The following BMP2K variants were observed in gnomAD, a reference collection of about 807,000 sequenced individuals.
BMP2K encodes the protein BMP2 inducible kinase, also known as BMP-2-inducible protein kinase.
A neutral mutation model predicts 116.0 loss-of-function variants in BMP2K; 74 were observed. The ratio of observed to expected loss-of-function variants is 0.64; its 90% CI spans 0.53 to 0.77. The LOEUF is 0.77. Ranked by LOEUF, BMP2K falls within the 30% of genes least tolerant of loss-of-function variation. The pLI is 0.00. For missense variants in BMP2K, 1,365 were observed against 1,403.6 expected (o/e 0.97, Z 0.44); for synonymous variants, 486 against 502.5 (o/e 0.97, Z 0.44).
At position 78,836,870 on chromosome 4, in the gene BMP2K, A is replaced by G. The variant is rs141555677; in HGVS notation, c.403+3183A>G. Among the ~76,000 whole-genome samples, 944 of 152,218 alleles carry G rather than the reference A, an allele frequency of 6.2e-3. 12 individuals carry two copies. The highest frequency in any genetic ancestry group is 0.022 in the African/African-American group (896 of 41,546). On this transcript the variant is annotated intron_variant, in intron 3 of 15. Transcript: ENST00000502613. ...GTTATTGTGATTGCTTAATTTTTCTATGTGACATCTTTTCTCCATGGACAC... is the reference window on the plus strand; with the variant it reads ...GTTATTGTGATTGCTTAATTTTTCTGTGTGACATCTTTTCTCCATGGACAC...
intron 1 of BMP2K, among the ~76,000 whole-genome samples, chr4:78,783,644 A>G (rs1467068930): frequency 6.6e-6 from 1 of 152,070 alleles, no homozygotes; most frequent in Non-Finnish European, 1.5e-5. Context: ...CATCTCTACT[A>G]AAAACACAAA....
At position 78,911,018 on chromosome 4, in the gene BMP2K, C is replaced by G; in HGVS notation, c.2471C>G (p.Ser824Cys). 2.5e-6 allele frequency: 4 copies of G among 1,613,738 alleles called. No homozygotes were observed. The highest frequency in any genetic ancestry group is 1.1e-5 in the South Asian group (1 of 91,068). ...ATGAGCTCTGTCTACAGAGACAGAT[C>G]TGGCAGTGGACCAACCCAAGATCTT... is the stretch of plus-strand genomic sequence containing the variant. ...SDMSSVYRDR[S>C]GSGPTQDLNT... Residue 824 changes from serine (S) to cysteine (C), a missense_variant, in exon 16 of 16, where the codon TCT becomes TGT. By Grantham distance (112) the Ser-to-Cys change is moderately radical (BLOSUM62 -1). Coordinates refer to ENST00000502613, the MANE Select transcript of BMP2K (RefSeq NM_198892.2).
intron 1 of BMP2K, among the ~76,000 whole-genome samples, chr4:78,824,675 C>T (rs1357708064): frequency 2.6e-5 from 4 of 152,128 alleles, no homozygotes; most frequent in Admixed American, 2.0e-4. Flanking sequence ...TTTTACAACT[C>T]TGTATTGATC....
chr4:78,837,635 A>G (rs114310337), intron 3 of BMP2K, among the ~76,000 whole-genome samples: 2 of 152,116 alleles, frequency 1.3e-5, no homozygotes, highest in Non-Finnish European at 2.9e-5. Context: ...CAGTGTATCC[A>G]TTTTTCTTTC....
At position 78,912,759 on chromosome 4, in the gene BMP2K, TAAAAC is replaced by T. The variant is rs968048779; in HGVS notation, c.*730_*734del. On this transcript the variant is annotated 3_prime_UTR_variant, in exon 16 of 16. Coordinates refer to ENST00000502613, the MANE Select transcript of BMP2K (RefSeq NM_198892.2). The stretch of plus-strand genomic sequence containing the variant: ...ATAAATATATATAATTTTTGTCAGT[TAAAAC>T]AAATTAAAAAAATGGACTATCGTCG... 46 of 151,802 alleles carry T rather than the reference TAAAAC, an allele frequency of 3.0e-4. No individual in the cohort carries two copies. The highest frequency in any genetic ancestry group is 9.9e-4 in the African/African-American group (41 of 41,366). 9.4% of individuals were successfully genotyped at this position (151,802 alleles called of 1,614,324 possible).
At chr4:78,893,030 G>A (rs1733524951) in intron 15 of BMP2K, among the ~76,000 whole-genome samples, 2 of 152,192 alleles carry the variant, frequency 1.3e-5, no homozygotes, top group South Asian at 4.1e-4. Flanking sequence ...AGACTTCTCT[G>A]TACATGCAAT....
chr4:78,824,979 A>G (rs1577901596), intron 1 of BMP2K, among the ~76,000 whole-genome samples: 1 of 152,148 alleles, frequency 6.6e-6, no homozygotes, highest in African/African-American at 2.4e-5. Context: ...AGGCGGGCGG[A>G]TCATGAAATC....
At position 78,911,694 on chromosome 4, in the gene BMP2K, G is replaced by A. The variant is rs1488286276; in HGVS notation, c.3147G>A (p.Leu1049=). 1.2e-6 allele frequency: 2 copies of A among 1,613,878 alleles called. No individual in the cohort carries two copies. Among genetic ancestry groups the A allele is most frequent in the South Asian group, 1.1e-5 (1 of 91,058 alleles). ...CCAAGGAGAACATTAGTGTTGCACT[G>A]ACTGATGGGAAAGATAGGGGGAATG... is the stretch of plus-strand genomic sequence containing the variant. The part of the protein sequence containing the change: ...SDSKENISVA[L]TDGKDRGNVL... The change falls in exon 16 of 16, where the codon CTG becomes CTA. Residue 1049 remains leucine, a synonymous_variant. Coordinates refer to ENST00000502613, the MANE Select transcript of BMP2K (RefSeq NM_198892.2).
intron 6 of BMP2K, among the ~76,000 whole-genome samples, chr4:78,849,647 G>C (rs1731159455): frequency 1.3e-5 from 2 of 151,462 alleles, no homozygotes; most frequent in East Asian, 1.9e-4. Context: ...TGATGTATAT[G>C]AGCTGAAAAT....
At chr4:78,850,494 T>A (rs1731195166) in intron 6 of BMP2K, among the ~76,000 whole-genome samples, 1 of 151,932 alleles carries the variant, frequency 6.6e-6, no homozygotes, top group Admixed American at 6.6e-5. Context: ...TCTGATAAGT[T>A]TAACTGTGCT....
chr4:78,882,356 A>T (rs1560544132), intron 14 of BMP2K, among the ~76,000 whole-genome samples: 1 of 151,432 alleles, frequency 6.6e-6, no homozygotes, highest in Non-Finnish European at 1.5e-5. Context: ...ATGGTTCAGA[A>T]TTGTTTTACC....
chr4:78,862,737 G>A (rs979641805), intron 9 of BMP2K, among the ~76,000 whole-genome samples: 2 of 152,046 alleles, frequency 1.3e-5, no homozygotes. Flanking sequence ...ATTTGCGAAT[G>A]ACTTATTTTA....
chr4:78,913,993 ATACT>A lies in BMP2K; in HGVS notation c.*1962_*1965del, dbSNP rs1001439387. The A allele has an allele frequency of 1.3e-5, 2 of 152,006 alleles. No individual in the cohort carries two copies. Among genetic ancestry groups the A allele is most frequent in the African/African-American group, 2.4e-5 (1 of 41,392 alleles). The allele number at this position is 152,006 out of a possible 1,614,324, so 9.4% of individuals were successfully genotyped here. A position where few individuals can be genotyped will look rare whatever the true frequency, so the allele number is the denominator to read the frequency against. ...AAACTTTACAAAATAGATTCAAGTG[ATACT>A]TTCTTTTAAAAGTGAAGAGTTGATG... On this transcript the variant is annotated 3_prime_UTR_variant, in exon 16 of 16. Transcript: ENST00000502613.
chr4:78,792,479 A>G (rs1335854262), intron 1 of BMP2K, among the ~76,000 whole-genome samples: 1 of 152,224 alleles, frequency 6.6e-6, no homozygotes, highest in African/African-American at 2.4e-5. Flanking sequence ...TTTGGCAGAC[A>G]TTTTCTTAAA....
At chr4:78,783,221 A>G (rs373577340) in intron 1 of BMP2K, among the ~76,000 whole-genome samples, 23 of 152,352 alleles carry the variant, frequency 1.5e-4, no homozygotes, top group African/African-American at 5.1e-4. Context: ...TCAATCAGCT[A>G]TATAAAATTT....
intron 2 of BMP2K, among the ~76,000 whole-genome samples, chr4:78,826,778 T>C (rs1261601458): frequency 6.6e-6 from 1 of 152,234 alleles, no homozygotes; most frequent in African/African-American, 2.4e-5. Flanking sequence ...TTCTTTCTTT[T>C]TTTTTTCTTA....
chr4:78,911,367 C>A lies in BMP2K; in HGVS notation c.2820C>A (p.Phe940Leu). ...TTGGCTCCACTCCATTTCAGCCCTT[C>A]CTCACATCAACAAGTAAAAGTGAAA... ...DVFGSTPFQP[F>L]LTSTSKSESN... is the part of the protein sequence containing the mutation. Residue 940 changes from phenylalanine to leucine, a missense_variant, in exon 16 of 16, where the codon TTC (phenylalanine) becomes TTA (leucine). By Grantham distance (22) the Phe-to-Leu change is conservative. This residue lies in a region of BMP2K where 596 missense variants were observed against 623.2 expected (regional missense o/e 0.96). Coordinates refer to ENST00000502613, the MANE Select transcript of BMP2K (RefSeq NM_198892.2). The A allele has an allele frequency of 2.5e-6, 4 of 1,614,000 alleles. No individual in the cohort carries two copies. The highest frequency in any genetic ancestry group is 3.4e-6 in the Non-Finnish European group (4 of 1,179,878).
At chr4:78,877,727 A>G (rs1218670530) in intron 13 of BMP2K, among the ~76,000 whole-genome samples, 1 of 152,244 alleles carries the variant, frequency 6.6e-6, no homozygotes, top group African/African-American at 2.4e-5. Flanking sequence ...TCAAATATGC[A>G]CTGTACACAA....
intron 7 of BMP2K, chr4:78,859,358 C>G: frequency 2.9e-6 from 1 of 343,946 alleles, no homozygotes; most frequent in Non-Finnish European, 5.2e-6. Context: ...ATTCATACTT[C>G]TAGTGTAGAG....
Sources: gnomAD v4.1 joint callset for allele counts (sites outside exome capture counted in the v4.1 genomes callset) on GRCh38, gnomAD v4.1.1 for gene constraint, gnomAD v4.1.1 regional missense constraint, MANE v1.5 for transcripts, NCBI Gene and HGNC (gene_info 2026-07-23, HGNC 2026-07-21) for gene names.